The following HFM1 variants were observed in gnomAD, a reference collection of about 807,000 sequenced individuals.
HFM1 encodes the protein probable ATP-dependent DNA helicase HFM1.
A neutral mutation model predicts 192.1 loss-of-function variants in HFM1; 169 were observed. The observed-to-expected ratio is 0.88, with a 90% confidence interval of 0.78 to 1.00. The LOEUF (loss-of-function observed/expected upper bound fraction) is 1.00. Among genes scored for constraint, HFM1 ranks in the 50% least tolerant of loss-of-function variants. The pLI, the probability that HFM1 is intolerant of heterozygous loss-of-function variation, is 0.00. For synonymous variants in HFM1, 525 were observed against 537.8 expected (o/e 0.98, Z 0.33); for missense variants, 1,661 against 1,668.0 (o/e 1.00, Z 0.07).
intron 30 of HFM1, among the ~76,000 whole-genome samples, chr1:91,293,560 A>G (rs1255551330): frequency 6.7e-6 from 1 of 149,554 alleles, no homozygotes; most frequent in African/African-American, 2.4e-5. Flanking sequence ...CAGGTGCTGG[A>G]GAGGATGTGG....
intron 30 of HFM1, among the ~76,000 whole-genome samples, chr1:91,286,667 G>A (rs888344899): frequency 3.9e-5 from 6 of 152,152 alleles, no homozygotes; most frequent in African/African-American, 7.2e-5. Context: ...CAAGATGGCC[G>A]AATAGGAACA....
chr1:91,308,086 T>G (rs1284386321), intron 30 of HFM1, among the ~76,000 whole-genome samples: 2 of 152,170 alleles, frequency 1.3e-5, no homozygotes, highest in Admixed American at 6.6e-5. Context: ...TTCCCTGTAT[T>G]TGCCTCTGTT....
At chr1:91,295,271 T>C (rs1032674388) in intron 30 of HFM1, among the ~76,000 whole-genome samples, 1 of 152,228 alleles carries the variant, frequency 6.6e-6, no homozygotes, top group African/African-American at 2.4e-5. Flanking sequence ...AGTGTATTAA[T>C]TTGTTAAGGC....
At chr1:91,290,916 T>G (rs1025522530) in intron 30 of HFM1, among the ~76,000 whole-genome samples, 34 of 152,290 alleles carry the variant, frequency 2.2e-4, no homozygotes, top group African/African-American at 8.2e-4. Flanking sequence ...ACCGCTCAAC[T>G]ACATGGAAAT....
intron 20 of HFM1, among the ~76,000 whole-genome samples, chr1:91,338,347 C>G (rs537062173): frequency 6.6e-6 from 1 of 152,290 alleles, no homozygotes; most frequent in Admixed American, 6.5e-5. Context: ...ACTGTTGGAC[C>G]TAGACAGAGC....
chr1:91,374,405 T>A (rs1385536042), intron 13 of HFM1, among the ~76,000 whole-genome samples: 2 of 152,128 alleles, frequency 1.3e-5, no homozygotes, highest in African/African-American at 2.4e-5. Context: ...TAAAGCTGGA[T>A]AAGAGAGTGT....
At chr1:91,267,400 G>T (rs1346705670) in intron 35 of HFM1, among the ~76,000 whole-genome samples, 3 of 152,100 alleles carry the variant, frequency 2.0e-5, no homozygotes, top group African/African-American at 7.2e-5. Context: ...AATATTAGCA[G>T]ACCATTTGTG....
At chr1:91,391,553 A>G (rs1291626263) in intron 4 of HFM1, among the ~76,000 whole-genome samples, 1 of 152,250 alleles carries the variant, frequency 6.6e-6, no homozygotes, top group Non-Finnish European at 1.5e-5. Flanking sequence ...AGCCATATGT[A>G]GAAAGCTGAA....
chr1:91,395,180 C>T (rs1663504095), intron 3 of HFM1, among the ~76,000 whole-genome samples: 1 of 152,014 alleles, frequency 6.6e-6, no homozygotes, highest in South Asian at 2.1e-4. Context: ...AAAATGGTAT[C>T]ACCCTATATT....
intron 18 of HFM1, among the ~76,000 whole-genome samples, chr1:91,350,307 C>A (rs1483562599): frequency 3.3e-5 from 5 of 152,008 alleles, no homozygotes; most frequent in Non-Finnish European, 7.4e-5. Flanking sequence ...GCTTTAGAAG[C>A]AAGATGAAAA....
chr1:91,324,780 C>T lies in HFM1; in HGVS notation c.2336-14G>A, dbSNP rs1652639959. On this transcript the variant is annotated splice_polypyrimidine_tract_variant and intron_variant, in intron 20 of 38. Coordinates refer to ENST00000370425, the MANE Select transcript of HFM1 (RefSeq NM_001017975.6). ...ATCTTCCTGCTTCTGTAAGAAAAGA[C>T]AGAAAAATGAACGGTCCCCTCATCA... is the stretch of plus-strand genomic sequence containing the variant. The T allele has an allele frequency of 2.1e-6, 3 of 1,405,056 alleles. No individual in the cohort carries two copies. The South Asian group carries it at 3.5e-5, about 16-fold the overall frequency. The allele number at this position is 1,405,056 out of a possible 1,614,324, so 87.0% of individuals were successfully genotyped here. A position where few individuals can be genotyped will look rare whatever the true frequency, so the allele number is the denominator to read the frequency against.
chr1:91,389,957 AT>A (rs748764513), intron 4 of HFM1, among the ~76,000 whole-genome samples: 19 of 152,352 alleles, frequency 1.2e-4, no homozygotes, highest in Middle Eastern at 3.4e-3. Context: ...TGACCCAGCA[AT>A]TCTACTTCTG....
chr1:91,365,204 G>C (rs1659128765), intron 13 of HFM1, among the ~76,000 whole-genome samples: 2 of 152,118 alleles, frequency 1.3e-5, no homozygotes, highest in Non-Finnish European at 1.5e-5. Flanking sequence ...GGAAGGGTGG[G>C]AACGGGGGAA....
At chr1:91,375,823 T>A in intron 11 of HFM1, 96 bp from the exon 12 acceptor site, 1 of 863,478 alleles carries the variant, frequency 1.2e-6, no homozygotes. Context: ...GGTCAAGCTA[T>A]AAAAGTATTT....
At chr1:91,289,267 C>T (rs1456076952) in intron 30 of HFM1, among the ~76,000 whole-genome samples, 12 of 150,562 alleles carry the variant, frequency 8.0e-5, no homozygotes, top group East Asian at 2.0e-4. Context: ...TCAGACGGGG[C>T]GGCGGGGCAG....
Position 91,350,883 on chromosome 1 carries a change from A to T in HFM1, c.2073-12T>A. 1 of 1,560,068 alleles carries T rather than the reference A, an allele frequency of 6.4e-7. No individual in the cohort carries two copies. Among genetic ancestry groups the T allele is most frequent in the Middle Eastern group, 1.9e-4 (1 of 5,360 alleles). On this transcript the variant is annotated splice_polypyrimidine_tract_variant and intron_variant, in intron 17 of 38. Transcript: ENST00000370425. ...GATGTCTGTGCAAACTAATGAAAAAAAACTTTGCATTATGAATATGCAGTT... is the reference window on the plus strand; with the variant it reads ...GATGTCTGTGCAAACTAATGAAAAATAACTTTGCATTATGAATATGCAGTT...
chr1:91,286,819 G>A (rs894420851), intron 30 of HFM1, among the ~76,000 whole-genome samples: 7 of 152,210 alleles, frequency 4.6e-5, no homozygotes, highest in Admixed American at 6.5e-5. Context: ...TGCGCCAGCC[G>A]AAGCAAGGCG....
At chr1:91,291,312 AAT>A (rs1439229219) in intron 30 of HFM1, among the ~76,000 whole-genome samples, 1 of 152,196 alleles carries the variant, frequency 6.6e-6, no homozygotes, top group Non-Finnish European at 1.5e-5. Context: ...TAGCAAGACT[AAT>A]AAAGAAGAAA....
At chr1:91,274,841 C>T in intron 32 of HFM1, 32 bp from the exon 33 acceptor site, 1 of 1,117,752 alleles carries the variant, frequency 8.9e-7, no homozygotes, top group Non-Finnish European at 1.3e-6. Flanking sequence ...GTTCAACTAT[C>T]AGTTTCACAT....
Sources: allele counts gnomAD v4.1 joint callset (sites outside exome capture counted in the v4.1 genomes callset), GRCh38; gene constraint gnomAD v4.1.1; transcripts MANE v1.5; gene names NCBI Gene and HGNC (gene_info 2026-07-23, HGNC 2026-07-21).